Variants in MGAM observed in about 807,000 individuals in gnomAD.
MGAM encodes alpha-1,4-glucosidase.
A neutral mutation model predicts 358.8 loss-of-function variants in MGAM; 253 were observed. The ratio of observed to expected loss-of-function variants is 0.71; its 90% CI spans 0.64 to 0.78. The LOEUF (loss-of-function observed/expected upper bound fraction) is 0.78, where lower values mean the gene tolerates loss of function less well. Ranked by LOEUF, MGAM falls within the 30% of genes least tolerant of loss-of-function variation. The pLI, the probability that MGAM is intolerant of heterozygous loss-of-function variation, is 0.00. For synonymous variants in MGAM, 1,105 were observed against 1,227.1 expected (o/e 0.90, Z 2.08); for missense variants, 3,080 against 3,432.6 (o/e 0.90, Z 2.57).
At chr7:142,005,681 C>A in intron 2 of MGAM, 24 bp downstream of exon 2, 1 of 1,589,180 alleles carries the variant, frequency 6.3e-7, no homozygotes, top group South Asian at 1.2e-5. Flanking sequence ...CTGGGGCTCT[C>A]TCCATATGTT....
chr7:142,086,548 A>C lies in MGAM; in HGVS notation c.6748-107A>C. On this transcript the variant is annotated intron_variant, in intron 56 of 70. Transcript: ENST00000475668. ...TCTTTTACATCAATCCTACATGATA[A>C]TCAAAGTATTGCTCCTAGGAACATG... 3.0e-6 allele frequency: 2 copies of C among 670,420 alleles called. 1 individual carries two copies. The highest frequency in any genetic ancestry group is 4.7e-6 in the Non-Finnish European group (2 of 428,308). 41.5% of individuals were successfully genotyped at this position (670,420 alleles called of 1,614,324 possible). A position where few individuals can be genotyped will look rare whatever the true frequency, so the allele number is the denominator to read the frequency against.
chr7:142,104,279 C>T (rs1279789767), intron 70 of MGAM, among the ~76,000 whole-genome samples: 1 of 152,130 alleles, frequency 6.6e-6, no homozygotes, highest in Non-Finnish European at 1.5e-5. Context: ...ATTGATGATT[C>T]TGCCTCAACG....
In MGAM at chr7:142,088,747, G is replaced by GTCTGTCTGTCTA. The variant is rs1311472109; in HGVS notation, c.6810+2033_6810+2034insGTCTGTCTATCT. 9.6e-5 allele frequency among the ~76,000 whole-genome samples: 9 copies of GTCTGTCTGTCTA among 93,462 alleles called. 1 individual carries two copies. The highest frequency in any genetic ancestry group is 2.7e-4 in the African/African-American group (6 of 22,150). 61.3% of individuals were successfully genotyped at this position (93,462 alleles called of 152,430 possible). A position where few individuals can be genotyped will look rare whatever the true frequency, so the allele number is the denominator to read the frequency against. On this transcript the variant is annotated intron_variant, in intron 57 of 70. Coordinates refer to ENST00000475668, the MANE Select transcript of MGAM (RefSeq NM_001365693.1). Reference sequence around the variant, plus strand: ...TGTCTGTCTGTCTGTCTGTCTGTCTGTCTATCTATCTATCTATCTATCTAT... The same window carrying GTCTGTCTGTCTA: ...TGTCTGTCTGTCTGTCTGTCTGTCTGTCTGTCTGTCTATCTATCTATCTATCTATCTATCTAT...
chr7:142,019,262 T>G lies in MGAM; in HGVS notation c.391T>G (p.Tyr131Asp), dbSNP rs1362739572. The G allele has an allele frequency of 1.2e-6, 2 of 1,613,612 alleles. No homozygotes were observed. The highest frequency in any genetic ancestry group is 2.7e-5 in the African/African-American group (2 of 74,928). Residue 131 changes from tyrosine (Y) to aspartate (D), a missense_variant, in exon 4 of 71, where the codon TAC becomes GAC. Transcript: ENST00000475668. ...PQGAVSVPWCYYSKNHSYHVE... is the reference protein window; with the variant it reads ...PQGAVSVPWCDYSKNHSYHVE... ...GGGAGCTGTAAGTGTTCCCTGGTGC[T>G]ACTATTCCAAGAATCATAGCTACCA...
chr7:142,035,456 AAG>A (rs1326098190), intron 16 of MGAM, among the ~76,000 whole-genome samples: 2 of 152,178 alleles, frequency 1.3e-5, no homozygotes, highest in Non-Finnish European at 2.9e-5. Flanking sequence ...GATCCCGAGA[AAG>A]GGATTTATCT....
chr7:142,034,868 T>C (rs782530335), intron 16 of MGAM, 27 bp downstream of exon 16: 2 of 1,587,774 alleles, frequency 1.3e-6, no homozygotes, highest in Admixed American at 1.8e-5. Context: ...AGCTCTCTTA[T>C]GAACCTGAAT....
intron 57 of MGAM, 99 bp from the exon 58 acceptor site, chr7:142,091,814 T>C: frequency 1.6e-6 from 2 of 1,247,130 alleles, no homozygotes; most frequent in Non-Finnish European, 2.2e-6. Context: ...TCTGTCACCA[T>C]GCAGTTGAAG....
In MGAM at chr7:142,059,777, C is replaced by A; in HGVS notation, c.3949-79C>A. The stretch of plus-strand genomic sequence containing the variant: ...GCAGGTAGAAGCCAGCGAGTTCACC[C>A]TTGAGGAGTTCTCCTTCATTCTGTT... On this transcript the variant is annotated intron_variant, in intron 32 of 70. Transcript: ENST00000475668. 4 of 1,572,120 alleles carry A rather than the reference C, an allele frequency of 2.5e-6. No individual in the cohort carries two copies. In the South Asian group the frequency reaches 4.6e-5, roughly 18 times the overall value.
chr7:142,096,509 A>G, intron 65 of MGAM, 94 bp downstream of exon 65: 1 of 1,431,846 alleles, frequency 7.0e-7, no homozygotes, highest in South Asian at 1.2e-5. Context: ...GGGGGTCCTA[A>G]GACATGGTTT....
rs774808565 is a variant in MGAM, at chr7:142,052,426, G to A, written c.2938G>A (p.Ala980Thr). The A allele has an allele frequency of 7.4e-6, 12 of 1,613,398 alleles. No homozygotes were observed. Among genetic ancestry groups the A allele is most frequent in the Non-Finnish European group, 8.5e-6 (10 of 1,179,702 alleles). The change falls in exon 25 of 71, where the codon GCC becomes ACC. Residue 980 changes from alanine to threonine, a missense_variant. By Grantham distance (58) the Ala-to-Thr change is moderately conservative. Transcript: ENST00000475668. ...ENGASAENCT[A>T]RGCIWEASNS... ...TGGTGCTTCTGCCGAAAACTGCACT[G>A]CCCGTGGCTGTATCTGGGAGGTAAC... is the stretch of plus-strand genomic sequence containing the variant.
rs547134970 is a variant in MGAM at position 142,066,773 on chromosome 7, A to T, written c.4919+52A>T. ...ACTAATGGATGACTTATTGCATTCT[A>T]TGTGGTAGCAGTTGATATACACAAC... On this transcript the variant is annotated intron_variant, in intron 41 of 70. Transcript: ENST00000475668. 13 of 1,517,244 alleles carry T rather than the reference A, an allele frequency of 8.6e-6. 1 individual carries two copies. Among genetic ancestry groups the T allele is most frequent in the African/African-American group, 1.4e-5 (1 of 73,894 alleles). The allele number at this position is 1,517,244 out of a possible 1,614,324, so 94.0% of individuals were successfully genotyped here.
In MGAM at chr7:142,040,410, T is replaced by C. The variant is rs1808402775; in HGVS notation, c.2373+239T>C. The stretch of plus-strand genomic sequence containing the variant: ...AGCAATAAGATAGGCTGACATAGTA[T>C]CTCATAAATTAATATTGGAGGAACT... On this transcript the variant is annotated intron_variant, in intron 20 of 70. Coordinates refer to ENST00000475668, the MANE Select transcript of MGAM (RefSeq NM_001365693.1). 3 of 583,998 alleles carry C rather than the reference T, an allele frequency of 5.1e-6. No individual in the cohort carries two copies. The South Asian group carries it at 7.0e-5, about 14-fold the overall frequency. 36.2% of individuals were successfully genotyped at this position (583,998 alleles called of 1,614,324 possible). A position where few individuals can be genotyped will look rare whatever the true frequency, so the allele number is the denominator to read the frequency against.
chr7:142,022,068 T>C (rs1236813528), intron 6 of MGAM, among the ~76,000 whole-genome samples, 200 bp from the exon 7 acceptor site: 1 of 152,208 alleles, frequency 6.6e-6, no homozygotes, highest in Non-Finnish European at 1.5e-5. Context: ...GGGAGACTAA[T>C]GCAAGAAATT....
chr7:142,083,785 A>G (rs375514260), intron 53 of MGAM, among the ~76,000 whole-genome samples: 10 of 143,062 alleles, frequency 7.0e-5, no homozygotes, highest in African/African-American at 2.5e-4. Context: ...GGTGATGGTG[A>G]TGATAGTGGT....
intron 8 of MGAM, among the ~76,000 whole-genome samples, chr7:142,026,356 C>A (rs1316887033): frequency 1.3e-5 from 2 of 152,170 alleles, no homozygotes; most frequent in Admixed American, 1.3e-4. Context: ...TTTCCTCTAA[C>A]CTCTTAGGGT....
intron 29 of MGAM, 79 bp downstream of exon 29, chr7:142,056,175 T>C (rs1353269708): frequency 3.6e-6 from 5 of 1,397,262 alleles, no homozygotes; most frequent in African/African-American, 1.4e-5. Flanking sequence ...TTAGCCTAAC[T>C]GTTCCTTGAA....
chr7:142,097,179 C>T (rs1166085903), intron 65 of MGAM, among the ~76,000 whole-genome samples: 3 of 152,002 alleles, frequency 2.0e-5, no homozygotes, highest in East Asian at 1.9e-4. Flanking sequence ...CCTCATGATC[C>T]GCCTGACTCG....
In MGAM at chr7:142,027,706, G is replaced by A; in HGVS notation, c.1192G>A (p.Glu398Lys). The A allele has an allele frequency of 6.2e-7, 1 of 1,613,110 alleles. No individual in the cohort carries two copies. The highest frequency in any genetic ancestry group is 8.5e-7 in the Non-Finnish European group (1 of 1,179,426). ...GTLDNMREVV[E>K]RNRAAQLPYD... is the part of the protein sequence containing the mutation. Reference sequence around the variant, plus strand: ...CTTAGACAACATGAGGGAAGTCGTGGAGAGAAATCGCGCAGCACAGCTCCC... The same window carrying A: ...CTTAGACAACATGAGGGAAGTCGTGAAGAGAAATCGCGCAGCACAGCTCCC... The change falls in exon 10 of 71, where the codon GAG becomes AAG. Residue 398 changes from glutamate to lysine, a missense_variant. Around this residue, in one of 5 missense-constraint regions of MGAM, gnomAD observed 1,816 missense variants for 1,840.5 expected, o/e 0.99. Coordinates refer to ENST00000475668, the MANE Select transcript of MGAM (RefSeq NM_001365693.1).
intron 13 of MGAM, 135 bp from the exon 14 acceptor site, chr7:142,032,690 C>T: frequency 3.5e-6 from 2 of 567,096 alleles, no homozygotes; most frequent in Non-Finnish European, 6.2e-6. Context: ...AGAACACCTA[C>T]TCTATTCCAT....
Sources: gnomAD v4.1 joint callset for allele counts (sites outside exome capture counted in the v4.1 genomes callset) on GRCh38, gnomAD v4.1.1 for gene constraint, gnomAD v4.1.1 regional missense constraint, MANE v1.5 for transcripts, NCBI Gene and HGNC (gene_info 2026-07-23, HGNC 2026-07-21) for gene names.